VPS13B: variants seen among roughly 807,000 people sequenced by gnomAD.
VPS13B encodes the protein vacuolar protein sorting 13 homolog B.
A neutral mutation model predicts 426.4 loss-of-function variants in VPS13B; 285 were observed. The ratio of observed to expected loss-of-function variants is 0.67; its 90% confidence interval spans 0.61 to 0.74. The LOEUF is 0.74. VPS13B is among the 30% of genes least tolerant of loss of function. VPS13B has a pLI of 0.00. For missense variants in VPS13B, 4,537 were observed against 4,782.6 expected, an observed-to-expected ratio of 0.95 and a Z score of 1.51; for synonymous variants, 1,676 against 1,676.4, an observed-to-expected ratio of 1.00 and a Z score of 0.01.
chr8:99,472,006 C>G (rs1158921251), intron 24 of VPS13B, among the ~76,000 whole-genome samples: 1 of 152,052 alleles, frequency 6.6e-6, no homozygotes. Context: ...GTAAAAGATA[C>G]ACCATACAAA....
At chr8:99,161,919 G>C (rs549810174) in intron 15 of VPS13B, among the ~76,000 whole-genome samples, 1 of 152,090 alleles carries the variant, frequency 6.6e-6, no homozygotes, top group Admixed American at 6.5e-5. Flanking sequence ...TTTTAGTAGA[G>C]ACAGGGTCTC....
At chr8:99,435,321 C>G (rs866672204) in intron 22 of VPS13B, among the ~76,000 whole-genome samples, 6 of 152,002 alleles carry the variant, frequency 3.9e-5, no homozygotes, top group Middle Eastern at 3.2e-3. Flanking sequence ...ACCTCATTCC[C>G]TCTTATCTAA....
At position 99,137,674 on chromosome 8, in the gene VPS13B, G is replaced by A. The variant is rs1350186868; in HGVS notation, c.1651+922G>A. Among the ~76,000 whole-genome samples, 4 of 152,080 alleles carry A rather than the reference G, an allele frequency of 2.6e-5. No individual in the cohort carries two copies. The East Asian group carries it at 5.8e-4, about 22-fold the overall frequency. ...GCTTTTGGAATGGTTTCTAAATGTT[G>A]ATGTTTTCATTGGTCAATCCTTAAT... is the stretch of plus-strand genomic sequence containing the variant. On this transcript the variant is annotated intron_variant, in intron 12 of 61. Transcript: ENST00000357162.
At chr8:99,258,762 T>A (rs937154973) in intron 17 of VPS13B, among the ~76,000 whole-genome samples, 2 of 152,226 alleles carry the variant, frequency 1.3e-5, no homozygotes, top group East Asian at 3.9e-4. Flanking sequence ...CGATCCATTG[T>A]AGATAATCAT....
intron 39 of VPS13B, among the ~76,000 whole-genome samples, chr8:99,729,732 T>A (rs1398965885): frequency 1.3e-5 from 2 of 152,250 alleles, no homozygotes; most frequent in Non-Finnish European, 2.9e-5. Context: ...TAATAATATT[T>A]TATCTACTAC....
At chr8:99,836,398 A>G (rs1025722482) in intron 54 of VPS13B, among the ~76,000 whole-genome samples, 5 of 152,234 alleles carry the variant, frequency 3.3e-5, no homozygotes, top group Middle Eastern at 3.4e-3. Flanking sequence ...GAAACTCTGT[A>G]CCCACTAAGC....
chr8:99,213,327 A>G (rs1815206718), intron 17 of VPS13B, among the ~76,000 whole-genome samples: 1 of 152,172 alleles, frequency 6.6e-6, no homozygotes, highest in Non-Finnish European at 1.5e-5. Flanking sequence ...AAATAAATAT[A>G]ATAATTAGTT....
At chr8:99,752,866 G>A (rs1588683831) in intron 39 of VPS13B, among the ~76,000 whole-genome samples, 1 of 152,182 alleles carries the variant, frequency 6.6e-6, no homozygotes, top group African/African-American at 2.4e-5. Flanking sequence ...AGTTGTCACA[G>A]TGTAAGTGTT....
intron 15 of VPS13B, among the ~76,000 whole-genome samples, chr8:99,168,643 A>G (rs4442113): frequency 0.43 from 64,982 of 151,816 alleles, 15,632 homozygotes; most frequent in African/African-American, 0.64. Context: ...TGCATACATT[A>G]TTGCTCAGAA....
chr8:99,248,704 T>A (rs1443476947), intron 17 of VPS13B, among the ~76,000 whole-genome samples: 2 of 152,200 alleles, frequency 1.3e-5, no homozygotes, highest in Non-Finnish European at 2.9e-5. Context: ...AAAAGGGATG[T>A]TAAAAGGATA....
chr8:99,861,151 T>G (rs1268266553), intron 57 of VPS13B, among the ~76,000 whole-genome samples: 2 of 152,244 alleles, frequency 1.3e-5, no homozygotes. Flanking sequence ...AATACTGTTT[T>G]AACCAAACCT....
At chr8:99,044,765 A>T in intron 3 of VPS13B, among the ~76,000 whole-genome samples, 1 of 151,626 alleles carries the variant, frequency 6.6e-6, no homozygotes, top group Non-Finnish European at 1.5e-5. Context: ...GAGTTACTTC[A>T]CTTAGAATGA....
chr8:99,855,306 C>T (rs1177989123), intron 56 of VPS13B, among the ~76,000 whole-genome samples: 1 of 152,092 alleles, frequency 6.6e-6, no homozygotes, highest in East Asian at 1.9e-4. Context: ...TGCTCGAGCC[C>T]AGGACTTTGA....
At chr8:99,438,544 C>T (rs1255608928) in intron 22 of VPS13B, among the ~76,000 whole-genome samples, 1 of 152,084 alleles carries the variant, frequency 6.6e-6, no homozygotes, top group African/African-American at 2.4e-5. Flanking sequence ...GAATTCAAAT[C>T]TAGGAATTTT....
chr8:99,016,586 C>CTTTTTTTTTTTT, intron 2 of VPS13B, among the ~76,000 whole-genome samples: 1 of 60,730 alleles, frequency 1.6e-5, no homozygotes, highest in South Asian at 5.5e-4. Context: ...TATAGGAATT[C>CTTTTTTTTTTTT]TTTTTTTTTT....
At chr8:99,537,859 GT>G (rs892759574) in intron 30 of VPS13B, among the ~76,000 whole-genome samples, 3 of 152,120 alleles carry the variant, frequency 2.0e-5, no homozygotes, top group African/African-American at 7.2e-5. Flanking sequence ...CTTCCTTAAT[GT>G]GTAGGGTCAT....
intron 33 of VPS13B, among the ~76,000 whole-genome samples, chr8:99,592,338 C>G (rs1563813917): frequency 6.6e-6 from 1 of 152,074 alleles, no homozygotes; most frequent in Non-Finnish European, 1.5e-5. Flanking sequence ...AAGTCATTCT[C>G]TGTCCTGCTT....
chr8:99,536,593 G>A (rs1823234854), intron 30 of VPS13B: 1 of 527,046 alleles, frequency 1.9e-6, no homozygotes, highest in Non-Finnish European at 3.9e-6. Flanking sequence ...AGGAAATAAT[G>A]TTTTGTATCC....
chr8:99,867,331 C>T (rs1817159522), intron 58 of VPS13B, among the ~76,000 whole-genome samples: 1 of 152,174 alleles, frequency 6.6e-6, no homozygotes, highest in South Asian at 2.1e-4. Context: ...GGGCCGTATC[C>T]ACAGGACTGC....
Sources: allele counts gnomAD v4.1 joint callset (sites outside exome capture counted in the v4.1 genomes callset), GRCh38; gene constraint gnomAD v4.1.1; transcripts MANE v1.5; gene names NCBI Gene and HGNC (gene_info 2026-07-23, HGNC 2026-07-21).